Variants in TMOD1 observed in about 807,000 individuals in gnomAD.
TMOD1 encodes tropomodulin-1.
Under a neutral mutation model 40.6 loss-of-function variants are expected in TMOD1, and 17 were observed. The ratio of observed to expected loss-of-function variants is 0.42; its 90% CI spans 0.29 to 0.63. The LOEUF (loss-of-function observed/expected upper bound fraction) is 0.63, where lower values mean the gene tolerates loss of function less well. Among genes scored for constraint, TMOD1 ranks in the 20% least tolerant of loss-of-function variants. The probability of loss-of-function intolerance (pLI) is 0.22; values close to 1 mark genes in which losing one functional copy is unlikely to be tolerated. For missense variants in TMOD1, 391 were observed against 447.6 expected (o/e 0.87, Z 1.14); for synonymous variants, 181 against 175.0 (o/e 1.03, Z -0.27).
chr9:97,574,402 C>T (rs183656065), intron 8 of TMOD1, among the ~76,000 whole-genome samples: 531 of 152,328 alleles, frequency 3.5e-3, no homozygotes, highest in Non-Finnish European at 6.3e-3. Context: ...CGGGCCTTAG[C>T]TGCCTCCCCA....
At chr9:97,562,879 G>A in intron 5 of TMOD1, 58 bp downstream of exon 5, 2 of 1,379,916 alleles carry the variant, frequency 1.4e-6, no homozygotes. Context: ...TCCACTCACT[G>A]ATGTTCTCTG....
Position 97,502,566 on chromosome 9 carries a change from T to G in TMOD1, c.-49+763T>G, listed in dbSNP as rs750568958. Among the ~76,000 whole-genome samples, 38 of 152,254 alleles carry G rather than the reference T, an allele frequency of 2.5e-4. No individual in the cohort carries two copies. Among genetic ancestry groups the G allele is most frequent in the Non-Finnish European group, 3.7e-4 (25 of 68,004 alleles). The stretch of plus-strand genomic sequence containing the variant: ...AGCTGGGAGCCCAAGCCCTGAGAGC[T>G]GCAGGGCGCGCTCTTGGCCGCCTGC... On this transcript the variant is annotated intron_variant, in intron 1 of 9. Coordinates refer to ENST00000259365, the MANE Select transcript of TMOD1 (RefSeq NM_003275.4). The surrounding 1 kb of genome is among the most constrained non-coding windows in gnomAD (Gnocchi z 6.1).
chr9:97,551,170 C>T (rs7037481), intron 3 of TMOD1, among the ~76,000 whole-genome samples: 118,181 of 151,162 alleles, frequency 0.78, 46,320 homozygotes, highest in Middle Eastern at 0.87. Context: ...ACTACAGGCA[C>T]GCACCATCAC....
chr9:97,578,118 T>C (rs1161236202), intron 8 of TMOD1, among the ~76,000 whole-genome samples: 4 of 152,112 alleles, frequency 2.6e-5, no homozygotes, highest in Non-Finnish European at 4.4e-5. Context: ...TACAGTGGCA[T>C]GATCTCAGCT....
At chr9:97,501,965 C>T (rs939068585) in intron 1 of TMOD1, among the ~76,000 whole-genome samples, 162 bp downstream of exon 1, 1 of 152,086 alleles carries the variant, frequency 6.6e-6, no homozygotes, top group Non-Finnish European at 1.5e-5. Flanking sequence ...CTCGGGTTGC[C>T]TCTGGGGCTA....
chr9:97,592,483 G>A (rs529315142), intron 9 of TMOD1, among the ~76,000 whole-genome samples: 9 of 152,110 alleles, frequency 5.9e-5, no homozygotes, highest in African/African-American at 2.2e-4. Context: ...ATGAACTTGT[G>A]TTTTAAAGGA....
intron 9 of TMOD1, among the ~76,000 whole-genome samples, chr9:97,592,639 C>G (rs987147156): frequency 2.6e-5 from 4 of 152,170 alleles, no homozygotes; most frequent in African/African-American, 9.7e-5. Context: ...AGGTCACTAC[C>G]TGGAAGCCCT....
intron 2 of TMOD1, among the ~76,000 whole-genome samples, chr9:97,529,014 G>A (rs1830058157): frequency 6.6e-6 from 1 of 152,220 alleles, no homozygotes; most frequent in Admixed American, 6.5e-5. Flanking sequence ...GAAACTGAGA[G>A]GTGAAGTAAC....
chr9:97,526,282 A>G (rs1830012784), intron 2 of TMOD1, among the ~76,000 whole-genome samples: 1 of 152,258 alleles, frequency 6.6e-6, no homozygotes, highest in Non-Finnish European at 1.5e-5. Context: ...TAGTTGGCAC[A>G]TTTAGAAGTG....
At chr9:97,559,798 T>G (rs867820080) in intron 4 of TMOD1, among the ~76,000 whole-genome samples, 1 of 22,106 alleles carries the variant, frequency 4.5e-5, no homozygotes, top group Admixed American at 4.9e-4. Flanking sequence ...AAAAAAAATA[T>G]ATATATATAT....
At chr9:97,599,505 A>T (rs997130074) in intron 9 of TMOD1, 129 bp from the exon 10 acceptor site, 2 of 1,186,254 alleles carry the variant, frequency 1.7e-6, no homozygotes, top group Non-Finnish European at 2.4e-6. Flanking sequence ...CTGTCCTTTC[A>T]AAACAACAGA....
intron 2 of TMOD1, among the ~76,000 whole-genome samples, chr9:97,525,643 A>C (rs907863116): frequency 2.0e-5 from 3 of 152,210 alleles, no homozygotes; most frequent in African/African-American, 7.2e-5. Context: ...GGGCATGGTA[A>C]TACTAAAAAA....
intron 2 of TMOD1, among the ~76,000 whole-genome samples, chr9:97,528,308 T>A (rs979749474): frequency 3.3e-5 from 5 of 152,142 alleles, no homozygotes; most frequent in Non-Finnish European, 5.9e-5. Context: ...CCTCCCACTC[T>A]GGCAGGAGAA....
chr9:97,601,333 C>G lies in TMOD1; in HGVS notation c.*1635C>G. 8.7e-7 allele frequency: 1 copy of G among 1,147,102 alleles called. No homozygotes were observed. Among genetic ancestry groups the G allele is most frequent in the South Asian group, 1.7e-5 (1 of 57,214 alleles). The allele number at this position is 1,147,102 out of a possible 1,614,324, so 71.1% of individuals were successfully genotyped here. On this transcript the variant is annotated 3_prime_UTR_variant, in exon 10 of 10. Transcript: ENST00000259365. ...ACTGGCCAGAAGACTGGGCAGCCACCATGGCAGTGCTGGATGACCTCAGTA... is the reference window on the plus strand; with the variant it reads ...ACTGGCCAGAAGACTGGGCAGCCACGATGGCAGTGCTGGATGACCTCAGTA...
intron 4 of TMOD1, among the ~76,000 whole-genome samples, chr9:97,556,457 G>A (rs7865885): frequency 0.49 from 74,134 of 151,930 alleles, 18,347 homozygotes; most frequent in Middle Eastern, 0.6. Context: ...GGGACCAAGA[G>A]TGTGGGTAAC....
rs115512709 is a variant in TMOD1, at chr9:97,511,375, C to T, written c.-49+9572C>T. On this transcript the variant is annotated intron_variant, in intron 1 of 9. Transcript: ENST00000259365. ...GTCCCCATCCTCCTCCATTCAGGGG[C>T]TCCACGCACATCTGTCATAATAGAA... Among the ~76,000 whole-genome samples the T allele has an allele frequency of 9.2e-3, 1,401 of 152,278 alleles. 20 individuals are homozygous for T. The highest frequency in any genetic ancestry group is 0.033 in the African/African-American group (1,364 of 41,542).
chr9:97,575,814 T>C (rs1179523648), intron 8 of TMOD1, among the ~76,000 whole-genome samples: 4 of 152,188 alleles, frequency 2.6e-5, no homozygotes, highest in Non-Finnish European at 5.9e-5. Flanking sequence ...ATCTGATCTC[T>C]TTCTCATCTG....
chr9:97,519,893 G>C (rs911160828), intron 1 of TMOD1, among the ~76,000 whole-genome samples: 2 of 152,146 alleles, frequency 1.3e-5, no homozygotes, highest in Non-Finnish European at 1.5e-5. Context: ...GACTGCACCA[G>C]TCAACCCCAG....
At chr9:97,568,456 C>T (rs73550771) in intron 7 of TMOD1, among the ~76,000 whole-genome samples, 10,256 of 152,122 alleles carry the variant, frequency 0.067, 1,179 homozygotes, top group African/African-American at 0.23. Flanking sequence ...GGAATGTCAG[C>T]AAGAGTTCTT....
Sources: allele counts gnomAD v4.1 joint callset (sites outside exome capture counted in the v4.1 genomes callset), GRCh38; gene constraint gnomAD v4.1.1; non-coding constraint Gnocchi (gnomAD v3.1); transcripts MANE v1.5; gene names NCBI Gene and HGNC (gene_info 2026-07-23, HGNC 2026-07-21).